ZNF512: variants seen among roughly 807,000 people sequenced by gnomAD.
ZNF512 encodes zinc finger protein 512.
In ZNF512, 25 loss-of-function variants were observed where a neutral mutation model predicts 77.5. That is an observed-to-expected ratio of 0.32 (90% confidence interval 0.23 to 0.45). ZNF512 has a LOEUF of 0.45. Ranked by LOEUF, ZNF512 falls within the 20% of genes least tolerant of loss-of-function variation. The probability of loss-of-function intolerance (pLI) is 1.00; values close to 1 mark genes in which losing one functional copy is unlikely to be tolerated. For missense variants in ZNF512, 483 were observed against 692.6 expected (o/e 0.70, Z 3.40); for synonymous variants, 246 against 239.9 (o/e 1.03, Z -0.24).
In ZNF512 at chr2:27,602,414, C is replaced by T. The variant is rs1392692763; in HGVS notation, c.670-49C>T. 1.0e-5 allele frequency: 16 copies of T among 1,567,318 alleles called. No individual in the cohort carries two copies. The Admixed American group carries it at 1.1e-4, about 11-fold the overall frequency. On this transcript the variant is annotated intron_variant, in intron 7 of 13. Transcript: ENST00000355467. ...CCTCTGATATTTTTTTTCCCTGTGT[C>T]TTATCTTTTCCATGAATCATCTTCT...
chr2:27,589,871 A>G (rs1427926057), intron 2 of ZNF512, among the ~76,000 whole-genome samples: 2 of 152,156 alleles, frequency 1.3e-5, no homozygotes, highest in African/African-American at 4.8e-5. Context: ...TTTTGTTTTT[A>G]GATATCTTCC....
chr2:27,598,025 T>C, intron 2 of ZNF512, 42 bp from the exon 3 acceptor site: 1 of 1,469,876 alleles, frequency 6.8e-7, no homozygotes, highest in South Asian at 1.5e-5. Flanking sequence ...GAAATTTTGC[T>C]CCAGACCTTC....
intron 2 of ZNF512, among the ~76,000 whole-genome samples, chr2:27,585,135 G>A (rs1334501907): frequency 6.6e-6 from 1 of 152,234 alleles, no homozygotes; most frequent in Non-Finnish European, 1.5e-5. Context: ...AAGGAAGATA[G>A]GATGTCTATG....
chr2:27,586,840 A>T (rs1671350908), intron 2 of ZNF512, among the ~76,000 whole-genome samples: 1 of 152,238 alleles, frequency 6.6e-6, no homozygotes, highest in South Asian at 2.1e-4. Flanking sequence ...AAATGAAGTC[A>T]CACAGTATGT....
intron 2 of ZNF512, among the ~76,000 whole-genome samples, chr2:27,597,587 T>C (rs1335784243): frequency 1.3e-5 from 2 of 152,186 alleles, no homozygotes; most frequent in Admixed American, 6.6e-5. Context: ...CTAAATAAGA[T>C]AGGGCATCAG....
Position 27,598,230 on chromosome 2 carries a change from C to T in ZNF512, c.253C>T (p.Pro85Ser). 6.2e-7 allele frequency: 1 copy of T among 1,613,154 alleles called. No individual in the cohort carries two copies. The highest frequency in any genetic ancestry group is 1.1e-5 in the South Asian group (1 of 91,074). ...CTGGATGAAGATGAGAAGAATCAAG[C>T]CAGCTGCTACTTCTCATGTCGAAGG... ...TYWMKMRRIK[P>S]AATSHVEGSG... Residue 85 changes from proline to serine, a missense_variant, in exon 3 of 14, where the codon CCA becomes TCA. Physicochemically the swap from Pro to Ser is moderately conservative, Grantham distance 74. Transcript: ENST00000355467.
chr2:27,601,236 T>G lies in ZNF512; in HGVS notation c.583-120T>G, dbSNP rs1672102150. ...ACACTGAGTTTCTGGGATTTTGAGA[T>G]TTATTGACTATTGAGCTTGAGAAAT... On this transcript the variant is annotated intron_variant, in intron 6 of 13. Coordinates refer to ENST00000355467, the MANE Select transcript of ZNF512 (RefSeq NM_032434.4). 1.3e-5 allele frequency: 9 copies of G among 689,848 alleles called. No individual in the cohort carries two copies. The South Asian group carries it at 2.2e-4, about 17-fold the overall frequency. 42.7% of individuals were successfully genotyped at this position (689,848 alleles called of 1,614,324 possible). A position where few individuals can be genotyped will look rare whatever the true frequency, so the allele number is the denominator to read the frequency against.
intron 2 of ZNF512, among the ~76,000 whole-genome samples, chr2:27,596,855 A>G (rs578197400): frequency 2.7e-4 from 41 of 152,342 alleles, no homozygotes; most frequent in African/African-American, 9.6e-4. Flanking sequence ...TCCCTCCTAG[A>G]GGAAACTGTA....
At chr2:27,616,630 C>G (rs1199867585) in intron 12 of ZNF512, among the ~76,000 whole-genome samples, 3 of 152,240 alleles carry the variant, frequency 2.0e-5, no homozygotes, top group African/African-American at 4.8e-5. Flanking sequence ...ATTTGAGCAT[C>G]TCCTACACTG....
chr2:27,595,600 A>G (rs1230453417), intron 2 of ZNF512, among the ~76,000 whole-genome samples: 2 of 152,190 alleles, frequency 1.3e-5, no homozygotes, highest in Non-Finnish European at 1.5e-5. Context: ...GCTGGATTAC[A>G]GGCGTGAGCC....
chr2:27,611,010 T>TA (rs1672637865), intron 10 of ZNF512, among the ~76,000 whole-genome samples: 1 of 152,178 alleles, frequency 6.6e-6, no homozygotes, highest in African/African-American at 2.4e-5. Flanking sequence ...ATTAGCCCAC[T>TA]CCCACCTTGT....
intron 13 of ZNF512, among the ~76,000 whole-genome samples, chr2:27,618,717 T>C (rs1253544509): frequency 2.0e-5 from 3 of 152,226 alleles, no homozygotes; most frequent in South Asian, 4.1e-4. Context: ...ATTTTAAAAT[T>C]GTGTATAAAA....
rs866677334 is a variant in ZNF512 at position 27,598,138 on chromosome 2, G to T, written c.161G>T (p.Gly54Val). ...ATCCCTCATGATGACTCCTTAAGTGGTTCATCGTCTGCATCTTCGTGTGAA... is the reference window on the plus strand; with the variant it reads ...ATCCCTCATGATGACTCCTTAAGTGTTTCATCGTCTGCATCTTCGTGTGAA... ...YTIPHDDSLS[G>V]SSSASSCEPV... The change falls in exon 3 of 14, where the codon GGT becomes GTT. Residue 54 changes from glycine to valine, a missense_variant. Around this residue, in one of 2 missense-constraint regions of ZNF512, gnomAD observed 159 missense variants for 167.5 expected, o/e 0.95. Transcript: ENST00000355467. The T allele has an allele frequency of 6.2e-7, 1 of 1,613,938 alleles. No homozygotes were observed. Among genetic ancestry groups the T allele is most frequent in the African/African-American group, 1.3e-5 (1 of 74,912 alleles).
rs1673133384 is a variant in ZNF512 at position 27,621,726 on chromosome 2, T to C, written c.*265T>C. 4 of 380,720 alleles carry C rather than the reference T, an allele frequency of 1.1e-5. No individual in the cohort carries two copies. The highest frequency in any genetic ancestry group is 5.3e-5 in the East Asian group (1 of 18,962). The allele number at this position is 380,720 out of a possible 1,614,324, so 23.6% of individuals were successfully genotyped here. A position where few individuals can be genotyped will look rare whatever the true frequency, so the allele number is the denominator to read the frequency against. ...AAGAGCTCCCTCTCAAGGCCAACTA[T>C]AGGCTCCTCTTGCCCTGTACAAAAC... On this transcript the variant is annotated 3_prime_UTR_variant, in exon 14 of 14. Coordinates refer to ENST00000355467, the MANE Select transcript of ZNF512 (RefSeq NM_032434.4).
chr2:27,607,412 G>C (rs945550481), intron 9 of ZNF512, among the ~76,000 whole-genome samples: 1 of 150,970 alleles, frequency 6.6e-6, no homozygotes, highest in African/African-American at 2.4e-5. Flanking sequence ...TTATCACCCA[G>C]GCTGGAATGT....
intron 2 of ZNF512, among the ~76,000 whole-genome samples, chr2:27,593,085 G>A (rs1351386171): frequency 6.6e-6 from 1 of 151,518 alleles, no homozygotes; most frequent in African/African-American, 2.4e-5. Flanking sequence ...TCTTGGTTGG[G>A]TACCGTGGCT....
In ZNF512 at chr2:27,595,795, C is replaced by T. The variant is rs557858690; in HGVS notation, c.90-2272C>T. Among the ~76,000 whole-genome samples, 22 of 152,148 alleles carry T rather than the reference C, an allele frequency of 1.4e-4. 1 individual carries two copies. Among genetic ancestry groups the T allele is most frequent in the African/African-American group, 5.3e-4 (22 of 41,498 alleles). ...GGTTTCTTTTTCTGCTGATGATTCC[C>T]ACCTTTTCCTTCATTTCTTGTGTGT... On this transcript the variant is annotated intron_variant, in intron 2 of 13. Coordinates refer to ENST00000355467, the MANE Select transcript of ZNF512 (RefSeq NM_032434.4).
chr2:27,594,017 TCATG>T (rs1222000828), intron 2 of ZNF512, among the ~76,000 whole-genome samples: 1 of 152,240 alleles, frequency 6.6e-6, no homozygotes, highest in Non-Finnish European at 1.5e-5. Context: ...GCCATCATCA[TCATG>T]GCCCATTCTC....
At chr2:27,598,497 T>C (rs1671971321) in intron 3 of ZNF512, among the ~76,000 whole-genome samples, 1 of 151,780 alleles carries the variant, frequency 6.6e-6, no homozygotes, top group Non-Finnish European at 1.5e-5. Flanking sequence ...GGCCTGGTGG[T>C]GGGCGCCTGT....
Sources: gnomAD v4.1 joint callset for allele counts (sites outside exome capture counted in the v4.1 genomes callset) on GRCh38, gnomAD v4.1.1 for gene constraint, gnomAD v4.1.1 regional missense constraint, MANE v1.5 for transcripts, NCBI Gene and HGNC (gene_info 2026-07-23, HGNC 2026-07-21) for gene names.